CHTF18: variants seen among roughly 807,000 people sequenced by gnomAD.
The protein encoded by CHTF18 is chromosome transmission fidelity protein 18 homolog.
CHTF18 carries 151 observed loss-of-function variants against 113.4 expected under a neutral mutation model. The observed-to-expected ratio is 1.33, with a 90% CI of 1.17 to 1.52. The LOEUF is 1.52. Among genes scored for constraint, CHTF18 ranks in the 40% most tolerant of loss-of-function variants. The pLI, the probability that CHTF18 is intolerant of heterozygous loss-of-function variation, is 0.00. For synonymous variants in CHTF18, 916 were observed against 598.8 expected (o/e 1.53, Z -7.74); for missense variants, 1,982 against 1,381.6 (o/e 1.43, Z -6.89).
In CHTF18 at chr16:792,878, T is replaced by C. The variant is rs566282812; in HGVS notation, c.1572+67T>C. ...GGGGGCGTGGCCTCGTTCTGGCCCCTGTTTCCCTGCCCCTCCCCATGGAAC... is the reference window on the plus strand; with the variant it reads ...GGGGGCGTGGCCTCGTTCTGGCCCCCGTTTCCCTGCCCCTCCCCATGGAAC... On this transcript the variant is annotated intron_variant, in intron 12 of 21. Coordinates refer to ENST00000262315, the MANE Select transcript of CHTF18 (RefSeq NM_022092.3). 49 of 1,527,802 alleles carry C rather than the reference T, an allele frequency of 3.2e-5. No homozygotes were observed. The African/African-American group carries it at 5.6e-4, about 18-fold the overall frequency. 94.6% of individuals were successfully genotyped at this position (1,527,802 alleles called of 1,614,324 possible).
chr16:792,381 C>G, intron 10 of CHTF18, 34 bp downstream of exon 10: 1 of 1,559,668 alleles, frequency 6.4e-7, no homozygotes, highest in South Asian at 1.2e-5. Flanking sequence ...GGTGGGTGGG[C>G]GGGCAGGCAG....
chr16:791,568 C>G (rs1679686835), intron 8 of CHTF18, 198 bp downstream of exon 8: 1 of 1,433,740 alleles, frequency 7.0e-7, no homozygotes, highest in Non-Finnish European at 9.1e-7. Flanking sequence ...CTGAAGGGCT[C>G]TGCGGCTGGC....
At chr16:794,810 G>C (rs1478573216) in intron 15 of CHTF18, 6 of 389,664 alleles carry the variant, frequency 1.5e-5, no homozygotes. Context: ...GGGGCTGAGT[G>C]AGGCTGGATC....
intron 9 of CHTF18, 99 bp from the exon 10 acceptor site, chr16:792,125 A>G: frequency 6.6e-7 from 1 of 1,526,292 alleles, no homozygotes; most frequent in Non-Finnish European, 8.8e-7. Context: ...CAGCCGCGTC[A>G]TGTGACGGTC....
chr16:790,455 C>A, intron 6 of CHTF18, 56 bp downstream of exon 6: 1 of 1,610,310 alleles, frequency 6.2e-7, no homozygotes, highest in African/African-American at 1.3e-5. Context: ...GCACCAACTC[C>A]TAGCTCCTAG....
At position 798,017 on chromosome 16, in the gene CHTF18, A is replaced by G; in HGVS notation, c.*42A>G. ...CATGCCCTCGCATTGCTTCCCGCAGAGTGCAGAGACAGGAAGCTGGAGATG... is the reference window on the plus strand; with the variant it reads ...CATGCCCTCGCATTGCTTCCCGCAGGGTGCAGAGACAGGAAGCTGGAGATG... On this transcript the variant is annotated 3_prime_UTR_variant, in exon 22 of 22. Transcript: ENST00000262315. 6.3e-7 allele frequency: 1 copy of G among 1,587,966 alleles called. No individual in the cohort carries two copies. Among genetic ancestry groups the G allele is most frequent in the South Asian group, 1.1e-5 (1 of 88,406 alleles).
chr16:792,658 C>T (rs983412297), intron 11 of CHTF18, 60 bp from the exon 12 acceptor site: 15 of 1,589,868 alleles, frequency 9.4e-6, no homozygotes, highest in African/African-American at 5.4e-5. Flanking sequence ...TCCGGCCCGT[C>T]CCTGTGTCCT....
intron 10 of CHTF18, 29 bp from the exon 11 acceptor site, chr16:792,410 A>G: frequency 6.4e-7 from 1 of 1,560,604 alleles, no homozygotes; most frequent in Non-Finnish European, 8.7e-7. Context: ...CAGGGCCTGG[A>G]CTCACCGTGT....
At position 795,198 on chromosome 16, in the gene CHTF18, C is replaced by G; in HGVS notation, c.2017C>G (p.Leu673Val). The G allele has an allele frequency of 1.9e-6, 3 of 1,558,056 alleles. No homozygotes were observed. Among genetic ancestry groups the G allele is most frequent in the Non-Finnish European group, 2.6e-6 (3 of 1,151,130 alleles). Residue 673 changes from leucine (L) to valine (V), a missense_variant, in exon 16 of 22, where the codon CTC (leucine) becomes GTC (valine). Physicochemically the swap from Leu to Val is conservative, Grantham distance 32. Transcript: ENST00000262315. ...CAGCCTGGGTGCTGTGTGTGTGGCC[C>G]TCGACTGGCTGGCCTTCGATGACCT... ...DSSLGAVCVA[L>V]DWLAFDDLLA... is the part of the protein sequence containing the mutation.
chr16:793,817 G>C (rs1889745243), intron 14 of CHTF18: 1 of 650,048 alleles, frequency 1.5e-6, no homozygotes, highest in African/African-American at 1.8e-5. Context: ...CCTAACCCCA[G>C]AGGGTCAGGG....
intron 19 of CHTF18, 47 bp from the exon 20 acceptor site, chr16:796,914 C>T (rs1292138007): frequency 1.9e-6 from 3 of 1,544,238 alleles, no homozygotes; most frequent in East Asian, 2.3e-5. Context: ...GCACCATCCC[C>T]ACTGTATCCC....
At chr16:790,716 A>T (rs767195798) in intron 7 of CHTF18, 50 bp downstream of exon 7, 1 of 1,482,354 alleles carries the variant, frequency 6.7e-7, no homozygotes, top group East Asian at 2.3e-5. Flanking sequence ...TGTTCCCAAG[A>T]TGGAAGAACC....
chr16:796,524 A>G, intron 18 of CHTF18, 193 bp from the exon 19 acceptor site: 2 of 627,442 alleles, frequency 3.2e-6, no homozygotes, highest in Non-Finnish European at 5.4e-6. Flanking sequence ...GTACACTTGC[A>G]GTTGGGGAAA....
In CHTF18 at chr16:797,686, C is replaced by G; in HGVS notation, c.2734-8C>G. ...CCTATACGACTGACTAGTCCTTCCT[C>G]CCATCAGCCTGAGAAGGACTTCTTT... is the stretch of plus-strand genomic sequence containing the variant. On this transcript the variant is annotated splice_polypyrimidine_tract_variant and splice_region_variant and intron_variant, in intron 20 of 21. Transcript: ENST00000262315. 6.2e-7 allele frequency: 1 copy of G among 1,611,856 alleles called. No homozygotes were observed. The highest frequency in any genetic ancestry group is 8.5e-7 in the Non-Finnish European group (1 of 1,179,620).
chr16:791,540 C>T (rs147815583), intron 8 of CHTF18, 170 bp downstream of exon 8: 26 of 1,434,848 alleles, frequency 1.8e-5, no homozygotes, highest in Admixed American at 5.7e-5. Flanking sequence ...AGTAACAACT[C>T]GGGGGAAGTC....
At position 789,311 on chromosome 16, in the gene CHTF18, A is replaced by T. The variant is rs572997501; in HGVS notation, c.388A>T (p.Ile130Phe). The T allele has an allele frequency of 8.1e-6, 13 of 1,600,814 alleles. No individual in the cohort carries two copies. Among genetic ancestry groups the T allele is most frequent in the Non-Finnish European group, 1.1e-5 (13 of 1,174,898 alleles). Residue 130 changes from isoleucine to phenylalanine, a missense_variant, in exon 3 of 22, where the codon ATC becomes TTC. Transcript: ENST00000262315. ...CCCTCCCGACTCCTCGCCGACGGAC[A>T]TCACCCCGCCGCCGAGCCCTGAGGA... ...PPPPDSSPTD[I>F]TPPPSPEDLA...
Position 796,976 on chromosome 16 carries a change from C to G in CHTF18, c.2617C>G (p.Pro873Ala). The G allele has an allele frequency of 6.5e-7, 1 of 1,528,274 alleles. No individual in the cohort carries two copies. The highest frequency in any genetic ancestry group is 8.8e-7 in the Non-Finnish European group (1 of 1,136,428). The allele number at this position is 1,528,274 out of a possible 1,614,324, so 94.7% of individuals were successfully genotyped here. ...CTCCCTACAGGTGGATGGGAGCCCC[C>G]CAGGGCTCGAGGGTCTGCTGGGGGG... ...ENSPQVDGSP[P>A]GLEGLLGGIG... Residue 873 changes from proline (P) to alanine (A), a missense_variant, in exon 20 of 22, where the codon CCA (proline) becomes GCA (alanine). By Grantham distance (27) the Pro-to-Ala change is conservative (BLOSUM62 -1). Transcript: ENST00000262315.
In CHTF18 at chr16:791,241, C is replaced by T; in HGVS notation, c.975C>T (p.Pro325=). 2 of 1,611,098 alleles carry T rather than the reference C, an allele frequency of 1.2e-6. No homozygotes were observed. Among genetic ancestry groups the T allele is most frequent in the South Asian group, 1.1e-5 (1 of 90,712 alleles). The change falls in exon 8 of 22, where the codon CCC becomes CCT. Residue 325 remains proline, a synonymous_variant. Transcript: ENST00000262315. ...VFGHERPSRK[P]RPSVEPARVS... ...GCCACGAGAGGCCTTCCCGGAAGCC[C>T]AGGCCCAGTGTTGAGCCGGCCCGGG... is the stretch of plus-strand genomic sequence containing the variant.
At chr16:794,774 C>T (rs1033933486) in intron 15 of CHTF18, 4 of 297,122 alleles carry the variant, frequency 1.3e-5, no homozygotes, top group East Asian at 7.8e-5. Flanking sequence ...CTCTGGTGGG[C>T]GGAACTTCCT....
Sources: gnomAD v4.1 joint callset for allele counts on GRCh38, gnomAD v4.1.1 for gene constraint, MANE v1.5 for transcripts, NCBI Gene and HGNC (gene_info 2026-07-23, HGNC 2026-07-21) for gene names.